The following F11 variants were observed in gnomAD, a reference collection of about 807,000 sequenced individuals.
F11 encodes the protein coagulation factor XI.
Under a neutral mutation model 76.5 loss-of-function variants are expected in F11, and 78 were observed. The observed-to-expected ratio is 1.02, with a 90% confidence interval of 0.85 to 1.23. The LOEUF is 1.23. F11 is among the 50% of genes most tolerant of loss of function. The pLI is 0.00. For missense variants in F11, 742 were observed against 771.4 expected (o/e 0.96, Z 0.45); for synonymous variants, 278 against 276.3 (o/e 1.01, Z -0.06).
chr4:186,283,554 G>A (rs1171419236), intron 10 of F11, among the ~76,000 whole-genome samples: 1 of 152,198 alleles, frequency 6.6e-6, no homozygotes, highest in Non-Finnish European at 1.5e-5. Flanking sequence ...GGAGTGACTG[G>A]GATCATGGTC....
rs281875270 is a variant in F11 at position 186,280,378 on chromosome 4, G to T, written c.1021G>T (p.Glu341Ter). 6.2e-7 allele frequency: 1 copy of T among 1,614,194 alleles called. No homozygotes were observed. Among genetic ancestry groups the T allele is most frequent in the Non-Finnish European group, 8.5e-7 (1 of 1,180,040 alleles). The change falls in exon 9 of 15, where the codon GAA becomes TAA. Residue 341 changes from glutamate to a stop codon, truncating the protein, a stop_gained. Transcript: ENST00000403665. LOFTEE classifies it high-confidence loss of function. Reference sequence around the variant, plus strand: ...TACCCCAGCCCAAGCATCCTGCAACGAAGGGAAGTAAGCCATATGAAGGGT... The same window carrying T: ...TACCCCAGCCCAAGCATCCTGCAACTAAGGGAAGTAAGCCATATGAAGGGT... ...TYTPAQASCN[E>*]GKGKCYLKLS...
At chr4:186,270,589 T>G (rs1198688957) in intron 2 of F11, among the ~76,000 whole-genome samples, 3 of 152,174 alleles carry the variant, frequency 2.0e-5, no homozygotes, top group Non-Finnish European at 2.9e-5. Flanking sequence ...TCAATTTGTC[T>G]TGTAAAATTA....
intron 2 of F11, 28 bp downstream of exon 2, chr4:186,267,219 G>A (rs1485435426): frequency 7.4e-7 from 1 of 1,350,576 alleles, no homozygotes; most frequent in Non-Finnish European, 1.1e-6. Context: ...TTAACTATGG[G>A]CTGGGAGAGG....
At chr4:186,286,239 C>T (rs922669321) in intron 12 of F11, 176 bp from the exon 13 acceptor site, 2 of 628,246 alleles carry the variant, frequency 3.2e-6, no homozygotes, top group African/African-American at 1.8e-5. Flanking sequence ...CCCTCTCATC[C>T]TGGCACATGT....
intron 2 of F11, among the ~76,000 whole-genome samples, chr4:186,269,615 G>A (rs1292197604): frequency 2.0e-5 from 3 of 152,298 alleles, no homozygotes; most frequent in South Asian, 2.1e-4. Context: ...AGGGCTGAGG[G>A]TTGGTGTTTA....
intron 7 of F11, among the ~76,000 whole-genome samples, chr4:186,276,711 T>C (rs956849079): frequency 6.6e-6 from 1 of 150,528 alleles, no homozygotes; most frequent in East Asian, 2.0e-4. Context: ...CTCAGCCTCC[T>C]GAGTAGCTGG....
At chr4:186,273,265 A>G (rs551439637) in intron 4 of F11, 88 bp downstream of exon 4, 1 of 1,030,868 alleles carries the variant, frequency 9.7e-7, no homozygotes, top group South Asian at 1.3e-5. Context: ...ATGAAATGAA[A>G]CACTGCTATG....
intron 7 of F11, among the ~76,000 whole-genome samples, chr4:186,278,640 A>G (rs954835543): frequency 6.6e-6 from 1 of 152,174 alleles, no homozygotes; most frequent in Non-Finnish European, 1.5e-5. Context: ...GGAAAGATGG[A>G]AATGTCAATG....
At position 186,271,788 on chromosome 4, in the gene F11, C is replaced by T; in HGVS notation, c.218+17C>T. 5 of 1,613,902 alleles carry T rather than the reference C, an allele frequency of 3.1e-6. No individual in the cohort carries two copies. In the African/African-American group the frequency reaches 5.3e-5, roughly 17 times the overall value. ...CACCCGATGGTAAATGCTTATGTTTCTACATCGAGGAGACAGATTTTTAAA... is the reference window on the plus strand; with the variant it reads ...CACCCGATGGTAAATGCTTATGTTTTTACATCGAGGAGACAGATTTTTAAA... On this transcript the variant is annotated intron_variant, in intron 3 of 14. Coordinates refer to ENST00000403665, the MANE Select transcript of F11 (RefSeq NM_000128.4).
rs1198389637 is a variant in F11 at position 186,271,590 on chromosome 4, G to A, written c.56-19G>A. 1.2e-6 allele frequency: 2 copies of A among 1,613,916 alleles called. No individual in the cohort carries two copies. Among genetic ancestry groups the A allele is most frequent in the Non-Finnish European group, 1.7e-6 (2 of 1,179,930 alleles). On this transcript the variant is annotated intron_variant, in intron 2 of 14. Coordinates refer to ENST00000403665, the MANE Select transcript of F11 (RefSeq NM_000128.4). Reference sequence around the variant, plus strand: ...CCCAGTAAAATCCAACATAACGCATGCCATGTACTACATCACAGAATGTGT... The same window carrying A: ...CCCAGTAAAATCCAACATAACGCATACCATGTACTACATCACAGAATGTGT...
intron 1 of F11, among the ~76,000 whole-genome samples, 168 bp downstream of exon 1, chr4:186,266,463 T>G (rs1410170033): frequency 1.3e-5 from 2 of 152,200 alleles, no homozygotes; most frequent in Non-Finnish European, 2.9e-5. Context: ...CCATAACTAA[T>G]CTGAGAGGAA....
In F11 at chr4:186,289,547, C is replaced by G. The variant is rs982607401; in HGVS notation, c.*933C>G. Among the ~76,000 whole-genome samples the G allele has an allele frequency of 7.2e-5, 11 of 152,280 alleles. No homozygotes were observed. In the East Asian group the frequency reaches 2.1e-3, roughly 29 times the overall value. On this transcript the variant is annotated 3_prime_UTR_variant, in exon 15 of 15. Coordinates refer to ENST00000403665, the MANE Select transcript of F11 (RefSeq NM_000128.4). ...TCTTCAGCAAGCAGCTGCCTGTATT[C>G]TAAGCACTGGGATTTTCTGTTTCGT...
At position 186,285,673 on chromosome 4, in the gene F11, G is replaced by A; in HGVS notation, c.1340G>A (p.Gly447Asp). Residue 447 changes from glycine (G) to aspartate (D), a missense_variant, in exon 12 of 15, where the codon GGC becomes GAC. Physicochemically the swap from Gly to Asp is moderately conservative, Grantham distance 94. Transcript: ENST00000403665. ...ESPKILRVYS[G>D]ILNQSEIKED... ...CCTAAGATTTTGCGTGTCTACAGTG[G>A]CATTTTAAATCAATCTGAAATAAAA... 6.2e-7 allele frequency: 1 copy of A among 1,613,996 alleles called. No individual in the cohort carries two copies. The highest frequency in any genetic ancestry group is 1.1e-5 in the South Asian group (1 of 91,070).
chr4:186,271,168 C>G (rs1030889013), intron 2 of F11, among the ~76,000 whole-genome samples: 1 of 152,048 alleles, frequency 6.6e-6, no homozygotes, highest in Non-Finnish European at 1.5e-5. Flanking sequence ...ATCACACCCC[C>G]GAGCCATCAG....
intron 2 of F11, among the ~76,000 whole-genome samples, chr4:186,270,960 C>A (rs1739908532): frequency 3.3e-5 from 5 of 151,468 alleles, no homozygotes. Context: ...CCTACCTTAG[C>A]CTCCCAAAGT....
At chr4:186,278,254 T>C (rs1318689810) in intron 7 of F11, among the ~76,000 whole-genome samples, 1 of 152,202 alleles carries the variant, frequency 6.6e-6, no homozygotes, top group Non-Finnish European at 1.5e-5. Flanking sequence ...AAAGTTGTCC[T>C]CCAGACAACT....
chr4:186,270,167 G>C (rs1424985633), intron 2 of F11, among the ~76,000 whole-genome samples: 2 of 152,134 alleles, frequency 1.3e-5, no homozygotes, highest in African/African-American at 2.4e-5. Flanking sequence ...TAAATTATTT[G>C]AGCCAATTAA....
intron 2 of F11, among the ~76,000 whole-genome samples, chr4:186,269,097 C>T (rs1241676483): frequency 6.6e-6 from 1 of 152,052 alleles, no homozygotes; most frequent in East Asian, 1.9e-4. Flanking sequence ...TACAAATGTC[C>T]TAAACAAAAT....
Position 186,285,831 on chromosome 4 carries a change from C to A in F11, c.1480+18C>A, listed in dbSNP as rs368060101. The A allele has an allele frequency of 1.2e-6, 2 of 1,613,848 alleles. No individual in the cohort carries two copies. Among genetic ancestry groups the A allele is most frequent in the Non-Finnish European group, 1.7e-6 (2 of 1,179,784 alleles). On this transcript the variant is annotated intron_variant, in intron 12 of 14. Transcript: ENST00000403665. ...TTACACAGGTACGGAGAATTTTATC[C>A]GGAAAGTTGTCTCCAATGGTGAACT...
Sources: allele counts gnomAD v4.1 joint callset (sites outside exome capture counted in the v4.1 genomes callset), GRCh38; gene constraint gnomAD v4.1.1; transcripts MANE v1.5; gene names NCBI Gene and HGNC (gene_info 2026-07-23, HGNC 2026-07-21).